Variants in PSMD5 observed in about 807,000 individuals in gnomAD.
PSMD5 encodes the protein proteasome 26S subunit, non-ATPase 5, also known as 26S proteasome non-ATPase regulatory subunit 5.
In PSMD5, 40 loss-of-function variants were observed where a neutral mutation model predicts 52.1. The ratio of observed to expected loss-of-function variants is 0.77; its 90% CI spans 0.60 to 1.00. The LOEUF (loss-of-function observed/expected upper bound fraction) is 1.00. Ranked by LOEUF, PSMD5 falls within the 50% of genes least tolerant of loss-of-function variation. The probability of loss-of-function intolerance (pLI) is 0.00; values close to 1 mark genes in which losing one functional copy is unlikely to be tolerated. For missense variants in PSMD5, 575 were observed against 605.2 expected (o/e 0.95, Z 0.52); for synonymous variants, 211 against 226.6 (o/e 0.93, Z 0.62).
chr9:120,831,481 T>C, intron 3 of PSMD5, 22 bp from the exon 4 acceptor site: 1 of 1,581,780 alleles, frequency 6.3e-7, no homozygotes, highest in Non-Finnish European at 8.6e-7. Flanking sequence ...AGAAAATATC[T>C]CTTACATTCC....
At chr9:120,837,179 G>A (rs1044831295) in intron 1 of PSMD5, among the ~76,000 whole-genome samples, 8 of 151,106 alleles carry the variant, frequency 5.3e-5, no homozygotes, top group South Asian at 2.1e-4. Flanking sequence ...GTTAGCCACC[G>A]CGCCCAGCCA....
At position 120,831,311 on chromosome 9, in the gene PSMD5, A is replaced by T; in HGVS notation, c.561+20T>A. On this transcript the variant is annotated intron_variant, in intron 4 of 9. Transcript: ENST00000210313. ...TGCATTCTGCTTTGTAAGCATGAGA[A>T]AGTGTGCTTTTTATCTTACCTCATA... 1 of 1,566,470 alleles carries T rather than the reference A, an allele frequency of 6.4e-7. No homozygotes were observed. Among genetic ancestry groups the T allele is most frequent in the Non-Finnish European group, 8.6e-7 (1 of 1,159,664 alleles).
At chr9:120,832,321 A>G (rs1164799659) in intron 2 of PSMD5, among the ~76,000 whole-genome samples, 1 of 152,182 alleles carries the variant, frequency 6.6e-6, no homozygotes, top group Non-Finnish European at 1.5e-5. Flanking sequence ...CCGAACAGGC[A>G]AAGCACCTGC....
At chr9:120,838,491 T>C (rs2045213283) in intron 1 of PSMD5, among the ~76,000 whole-genome samples, 1 of 152,232 alleles carries the variant, frequency 6.6e-6, no homozygotes, top group South Asian at 2.1e-4. Context: ...GATCAGATTG[T>C]GAACCAACAC....
chr9:120,817,888 C>G lies in PSMD5; in HGVS notation c.*18G>C, dbSNP rs201894584. ...GTTTTGGTCAAAACGTGGTCCTCTA[C>G]ATGAGCTCTAGAAGAAATCATTCGG... On this transcript the variant is annotated 3_prime_UTR_variant, in exon 10 of 10. Coordinates refer to ENST00000210313, the MANE Select transcript of PSMD5 (RefSeq NM_005047.4). 4.3e-3 allele frequency: 6,857 copies of G among 1,602,436 alleles called. 30 individuals are homozygous for G. The highest frequency in any genetic ancestry group is 4.4e-3 in the Non-Finnish European group (5,209 of 1,171,484).
At chr9:120,822,022 G>T (rs111785279) in intron 7 of PSMD5, among the ~76,000 whole-genome samples, 41 of 151,646 alleles carry the variant, frequency 2.7e-4, no homozygotes, top group African/African-American at 9.4e-4. Flanking sequence ...AATTTTTTTT[G>T]GTATATACCT....
chr9:120,841,954 C>T (rs1179938796), intron 1 of PSMD5: 1 of 152,068 alleles, frequency 6.6e-6, no homozygotes, highest in Non-Finnish European at 1.5e-5. Context: ...AGGTTGTTGC[C>T]CAAAACACTG....
At chr9:120,823,025 G>A (rs2045096926) in intron 7 of PSMD5, among the ~76,000 whole-genome samples, 1 of 150,506 alleles carries the variant, frequency 6.6e-6, no homozygotes, top group Non-Finnish European at 1.5e-5. Flanking sequence ...TGACGAAGCT[G>A]GTCTTGAATT....
chr9:120,821,580 G>A (rs2045085099), intron 7 of PSMD5, 116 bp from the exon 8 acceptor site: 1 of 586,310 alleles, frequency 1.7e-6, no homozygotes, highest in Non-Finnish European at 2.7e-6. Context: ...CATTCACACT[G>A]TTGGGCAACC....
At chr9:120,821,491 CTTT>C (rs1451003897) in intron 7 of PSMD5, 27 bp from the exon 8 acceptor site, 3 of 1,456,170 alleles carry the variant, frequency 2.1e-6, no homozygotes, top group Non-Finnish European at 1.9e-6. Flanking sequence ...TGAGATTCTT[CTTT>C]ATTATGGTAA....
chr9:120,832,393 C>CTTTTTTT (rs35785525), intron 2 of PSMD5, among the ~76,000 whole-genome samples: 2 of 126,906 alleles, frequency 1.6e-5, no homozygotes, highest in Admixed American at 8.6e-5. Context: ...TTCCCCCAAC[C>CTTTTTTT]TTTTTTTTTT....
In PSMD5 at chr9:120,817,223, A is replaced by G. The variant is rs1342940602; in HGVS notation, c.*683T>C. ...AATGGAAAAAGGACCAAAAAGAAAAAAAAAGATAGTGAAGAGAATCCAGAA... is the reference window on the plus strand; with the variant it reads ...AATGGAAAAAGGACCAAAAAGAAAAGAAAAGATAGTGAAGAGAATCCAGAA... On this transcript the variant is annotated 3_prime_UTR_variant, in exon 10 of 10. Transcript: ENST00000210313. 6.6e-6 allele frequency: 1 copy of G among 152,222 alleles called. No homozygotes were observed. The highest frequency in any genetic ancestry group is 1.9e-4 in the East Asian group (1 of 5,206). 9.4% of individuals were successfully genotyped at this position (152,222 alleles called of 1,614,324 possible). A position where few individuals can be genotyped will look rare whatever the true frequency, so the allele number is the denominator to read the frequency against.
chr9:120,827,785 GCTATCATAA>G, intron 5 of PSMD5, among the ~76,000 whole-genome samples: 1 of 152,238 alleles, frequency 6.6e-6, no homozygotes, highest in East Asian at 1.9e-4. Context: ...TAACTATAAT[GCTATCATAA>G]CAGCAAAATA....
At chr9:120,838,014 T>C (rs1181494324) in intron 1 of PSMD5, among the ~76,000 whole-genome samples, 1 of 152,216 alleles carries the variant, frequency 6.6e-6, no homozygotes, top group African/African-American at 2.4e-5. Context: ...AAAGAATACA[T>C]AATGTATGAC....
At chr9:120,840,126 CAAAAAAAAA>C (rs748840129) in intron 1 of PSMD5, among the ~76,000 whole-genome samples, 1 of 39,142 alleles carries the variant, frequency 2.6e-5, no homozygotes, top group East Asian at 8.6e-4. Context: ...GAACCCGTCT[CAAAAAAAAA>C]AAAAAAAAAA....
chr9:120,833,338 A>C lies in PSMD5; in HGVS notation c.292T>G (p.Ser98Ala). 1 of 1,614,080 alleles carries C rather than the reference A, an allele frequency of 6.2e-7. No homozygotes were observed. Among genetic ancestry groups the C allele is most frequent in the Non-Finnish European group, 8.5e-7 (1 of 1,179,976 alleles). The change falls in exon 2 of 10, where the codon TCT becomes GCT. Residue 98 changes from serine to alanine, a missense_variant. Transcript: ENST00000210313. ...TGGGAAAGAGTGAGGATTTTTACAG[A>C]ATCATCAGGGTGAATTAGTCCCCTC... ...LQRGLIHPDD[S>A]VKILTLSQIG...
In PSMD5 at chr9:120,818,181, A is replaced by G. The variant is rs1168978530; in HGVS notation, c.1258-18T>C. 1 of 1,603,894 alleles carries G rather than the reference A, an allele frequency of 6.2e-7. No individual in the cohort carries two copies. Among genetic ancestry groups the G allele is most frequent in the South Asian group, 1.1e-5 (1 of 90,614 alleles). Reference sequence around the variant, plus strand: ...GCAATGGCCTGAAATGGAAGGCAGAAAGAATACAATTCCCCTGAGTGGAAG... The same window carrying G: ...GCAATGGCCTGAAATGGAAGGCAGAGAGAATACAATTCCCCTGAGTGGAAG... On this transcript the variant is annotated intron_variant, in intron 9 of 9. Transcript: ENST00000210313.
At chr9:120,836,365 A>G (rs1302171467) in intron 1 of PSMD5, among the ~76,000 whole-genome samples, 2 of 150,450 alleles carry the variant, frequency 1.3e-5, no homozygotes, top group African/African-American at 4.9e-5. Context: ...TTAATGTTGA[A>G]TATCTTTCTA....
chr9:120,837,048 C>A (rs565126740), intron 1 of PSMD5, among the ~76,000 whole-genome samples: 32 of 152,102 alleles, frequency 2.1e-4, no homozygotes, highest in Non-Finnish European at 4.4e-4. Context: ...TGCCACTATG[C>A]CTGGCTAATT....
Sources: allele counts gnomAD v4.1 joint callset (sites outside exome capture counted in the v4.1 genomes callset), GRCh38; gene constraint gnomAD v4.1.1; transcripts MANE v1.5; gene names NCBI Gene and HGNC (gene_info 2026-07-23, HGNC 2026-07-21).